BRCA2: variants seen among roughly 807,000 people sequenced by gnomAD.
The protein encoded by BRCA2 is BRCA2 DNA repair associated.
In BRCA2, 203 loss-of-function variants were observed where a neutral mutation model predicts 276.7. The ratio of observed to expected loss-of-function variants is 0.73; its 90% CI spans 0.65 to 0.82. BRCA2 has a LOEUF of 0.82. BRCA2 is among the 40% of genes least tolerant of loss of function. The pLI, the probability that BRCA2 is intolerant of heterozygous loss-of-function variation, is 0.00. For missense variants in BRCA2, 3,920 were observed against 3,915.0 expected, an observed-to-expected ratio of 1.00 and a Z score of -0.03; for synonymous variants, 1,289 against 1,338.4, an observed-to-expected ratio of 0.96 and a Z score of 0.81.
At chr13:32,359,772 A>C (rs2072726430) in intron 16 of BRCA2, among the ~76,000 whole-genome samples, 1 of 152,240 alleles carries the variant, frequency 6.6e-6, no homozygotes, top group Non-Finnish European at 1.5e-5. Flanking sequence ...GGTAGAAGTT[A>C]AGAATGATTG....
rs81002818 is a variant in BRCA2 at position 32,376,654 on chromosome 13, C to A, written c.8633-16C>A. The A allele has an allele frequency of 2.5e-6, 4 of 1,613,072 alleles. No individual in the cohort carries two copies. In the East Asian group the frequency reaches 6.7e-5, roughly 27 times the overall value. On this transcript the variant is annotated splice_polypyrimidine_tract_variant and intron_variant, in intron 20 of 26. Coordinates refer to ENST00000380152, the MANE Select transcript of BRCA2 (RefSeq NM_000059.4). ...ATTTACAGTTTAGTGAATTAATAAT[C>A]CTTTTGTTTTCTTAGAAAACACAAC...
chr13:32,379,238 G>T (rs81002878), intron 21 of BRCA2, 79 bp from the exon 22 acceptor site: 1 of 1,409,628 alleles, frequency 7.1e-7, no homozygotes, highest in South Asian at 1.2e-5. Context: ...TATTTGTCCT[G>T]TTTAAAGCCA....
intron 18 of BRCA2, among the ~76,000 whole-genome samples, chr13:32,365,212 G>A (rs953505586): frequency 7.1e-6 from 1 of 141,142 alleles, no homozygotes; most frequent in African/African-American, 2.7e-5. Flanking sequence ...GTGTTGCCTA[G>A]GCTGGTCTTG....
At chr13:32,323,587 A>T (rs2072322556) in intron 3 of BRCA2, among the ~76,000 whole-genome samples, 1 of 152,188 alleles carries the variant, frequency 6.6e-6, no homozygotes, top group South Asian at 2.1e-4. Flanking sequence ...CATTTGCTTT[A>T]TTAGTGATTA....
chr13:32,359,705 G>C lies in BRCA2; in HGVS notation c.7805+1776G>C, dbSNP rs915156813. 4.6e-5 allele frequency among the ~76,000 whole-genome samples: 7 copies of C among 152,268 alleles called. No individual in the cohort carries two copies. In the East Asian group the frequency reaches 1.3e-3, roughly 29 times the overall value. On this transcript the variant is annotated intron_variant, in intron 16 of 26. Transcript: ENST00000380152. ...AACAAACATCTGCTTATAGATTCCA[G>C]TAAGAAAAGTTGGTTAAACGGTTGT...
chr13:32,332,972 T>C lies in BRCA2; in HGVS notation c.1494T>C (p.Phe498=). 1.9e-6 allele frequency: 3 copies of C among 1,595,780 alleles called. No individual in the cohort carries two copies. Among genetic ancestry groups the C allele is most frequent in the Non-Finnish European group, 2.6e-6 (3 of 1,175,614 alleles). ...ISGTSPVASS[F]QGIKKSIFRI... is the part of the protein sequence containing the mutation. ...GAACTTCTCCAGTGGCTTCTTCATT[T>C]CAGGGTATCAAAAAGTCTATATTCA... Residue 498 remains phenylalanine (F), a synonymous_variant, in exon 10 of 27, where the codon TTT becomes TTC. Coordinates refer to ENST00000380152, the MANE Select transcript of BRCA2 (RefSeq NM_000059.4).
At chr13:32,322,597 C>T (rs1356789599) in intron 3 of BRCA2, among the ~76,000 whole-genome samples, 1 of 152,192 alleles carries the variant, frequency 6.6e-6, no homozygotes, top group East Asian at 1.9e-4. Context: ...CCGGGTGGGC[C>T]AGGTGTTCCT....
In BRCA2 at chr13:32,371,223, T is replaced by C. The variant is rs560272648; in HGVS notation, c.8632+123T>C. On this transcript the variant is annotated intron_variant, in intron 20 of 26. Coordinates refer to ENST00000380152, the MANE Select transcript of BRCA2 (RefSeq NM_000059.4). ...TTTTGAGTAGTAAATTGACTTTATT[T>C]TTTAGTATCTAGGGTATTCTTTTTT... The C allele has an allele frequency of 1.7e-5, 17 of 1,027,772 alleles. No homozygotes were observed. The African/African-American group carries it at 2.1e-4, about 13-fold the overall frequency. The allele number at this position is 1,027,772 out of a possible 1,614,324, so 63.7% of individuals were successfully genotyped here.
At position 32,339,258 on chromosome 13, in the gene BRCA2, T is replaced by C. The variant is rs1468578075; in HGVS notation, c.4903T>C (p.Leu1635=). Residue 1635 remains leucine (L), a synonymous_variant, in exon 11 of 27, where the codon TTG becomes CTG. Transcript: ENST00000380152. The part of the protein sequence containing the change: ...ENLKTSKSIF[L]KVKVHENVEK... The stretch of plus-strand genomic sequence containing the variant: ...TCTCAAAACATCAAAAAGTATCTTT[T>C]TGAAAGTTAAAGTACATGAAAATGT... 2 of 1,612,866 alleles carry C rather than the reference T, an allele frequency of 1.2e-6. No individual in the cohort carries two copies.
chr13:32,364,422 A>G (rs1432249869), intron 18 of BRCA2, among the ~76,000 whole-genome samples: 1 of 152,044 alleles, frequency 6.6e-6, no homozygotes, highest in African/African-American at 2.4e-5. Flanking sequence ...TTCTCTCTTC[A>G]GTTTAGACAG....
intron 13 of BRCA2, among the ~76,000 whole-genome samples, chr13:32,349,771 C>T (rs1482812629): frequency 2.0e-5 from 3 of 147,492 alleles, no homozygotes; most frequent in Admixed American, 6.8e-5. Flanking sequence ...GCCAAGATTG[C>T]GCCACTGCAC....
chr13:32,332,636 AGTT>A lies in BRCA2; in HGVS notation c.1161_1163del (p.Val388del). On this transcript the variant is annotated inframe_deletion, in exon 10 of 27. Coordinates refer to ENST00000380152, the MANE Select transcript of BRCA2 (RefSeq NM_000059.4). ...GTGGAAGTGACAAAATCTCCAAGGAAGTTGTACCGTCTTTGGCCTGTGAATGGT... is the reference window on the plus strand; with the variant it reads ...GTGGAAGTGACAAAATCTCCAAGGAAGTACCGTCTTTGGCCTGTGAATGGT... 6.2e-7 allele frequency: 1 copy of A among 1,614,114 alleles called. No individual in the cohort carries two copies. The highest frequency in any genetic ancestry group is 8.5e-7 in the Non-Finnish European group (1 of 1,179,988).
In BRCA2 at chr13:32,398,457, A is replaced by G. The variant is rs876659263; in HGVS notation, c.9944A>G (p.Lys3315Arg). 1 of 1,614,210 alleles carries G rather than the reference A, an allele frequency of 6.2e-7. No individual in the cohort carries two copies. The highest frequency in any genetic ancestry group is 1.1e-5 in the South Asian group (1 of 91,090). Residue 3315 changes from lysine to arginine, a missense_variant, in exon 27 of 27, where the codon AAA (lysine) becomes AGA (arginine). By Grantham distance (26) the Lys-to-Arg change is conservative. Transcript: ENST00000380152. ...GTKYETPIKK[K>R]ELNSPQMTPF... is the part of the protein sequence containing the mutation. ...AAATACGAAACACCCATAAAGAAAA[A>G]AGAACTGAATTCTCCTCAGATGACT...
At chr13:32,323,410 C>T (rs1319733923) in intron 3 of BRCA2, among the ~76,000 whole-genome samples, 5 of 152,144 alleles carry the variant, frequency 3.3e-5, no homozygotes, top group Non-Finnish European at 7.4e-5. Flanking sequence ...GCCTCGGCCT[C>T]CCAAAGTGCT....
At chr13:32,393,359 G>A (rs918549654) in intron 24 of BRCA2, among the ~76,000 whole-genome samples, 1 of 152,082 alleles carries the variant, frequency 6.6e-6, no homozygotes, top group Non-Finnish European at 1.5e-5. Context: ...GAAAAGCTGT[G>A]CCCTTTCCAC....
intron 20 of BRCA2, among the ~76,000 whole-genome samples, chr13:32,374,243 C>G (rs559406925): frequency 2.0e-5 from 3 of 151,772 alleles, no homozygotes; most frequent in East Asian, 2.0e-4. Context: ...CTCTGACATG[C>G]CTTGGAGACA....
rs2072613163 is a variant in BRCA2 at position 32,346,743 on chromosome 13, T to A, written c.6938-84T>A. The A allele has an allele frequency of 7.5e-6, 8 of 1,070,166 alleles. No homozygotes were observed. In the South Asian group the frequency reaches 1.0e-4, roughly 14 times the overall value. 66.3% of individuals were successfully genotyped at this position (1,070,166 alleles called of 1,614,324 possible). A position where few individuals can be genotyped will look rare whatever the true frequency, so the allele number is the denominator to read the frequency against. On this transcript the variant is annotated intron_variant, in intron 12 of 26. Coordinates refer to ENST00000380152, the MANE Select transcript of BRCA2 (RefSeq NM_000059.4). ...CTGAAAATTGTAAAGCCTATAATTGTCTCAAATTTTTTGTGTATTTACAGT... is the reference window on the plus strand; with the variant it reads ...CTGAAAATTGTAAAGCCTATAATTGACTCAAATTTTTTGTGTATTTACAGT...
rs748591104 is a variant in BRCA2, at chr13:32,338,632, C to T, written c.4277C>T (p.Thr1426Ile). 1 of 1,598,674 alleles carries T rather than the reference C, an allele frequency of 6.3e-7. No individual in the cohort carries two copies. Among genetic ancestry groups the T allele is most frequent in the East Asian group, 2.2e-5 (1 of 44,526 alleles). Reference protein sequence around the residue: ...QNIKDFETSDTFFQTASGKNI... With the variant: ...QNIKDFETSDIFFQTASGKNI... ...ATAAAAGATTTTGAGACTTCTGATA[C>T]ATTTTTTCAGACTGCAAGTGGGAAA... The change falls in exon 11 of 27, where the codon ACA becomes ATA. Residue 1426 changes from threonine (T) to isoleucine (I), a missense_variant. This residue lies in a region of BRCA2 where 3,263 missense variants were observed against 3,156.9 expected (regional missense o/e 1.03). Transcript: ENST00000380152.
At chr13:32,368,780 T>C (rs930464963) in intron 18 of BRCA2, among the ~76,000 whole-genome samples, 4 of 147,984 alleles carry the variant, frequency 2.7e-5, no homozygotes, top group African/African-American at 1.0e-4. Context: ...TTGTTTGTTG[T>C]TTGTTTTTTG....
Sources: allele counts gnomAD v4.1 joint callset (sites outside exome capture counted in the v4.1 genomes callset), GRCh38; gene constraint gnomAD v4.1.1; regional missense constraint gnomAD v4.1.1; transcripts MANE v1.5; gene names NCBI Gene and HGNC (gene_info 2026-07-23, HGNC 2026-07-21).